Variants in MBP observed in about 807,000 individuals in gnomAD.
The protein encoded by MBP is Golli-MBP.
MBP carries 16 observed loss-of-function variants against 35.8 expected under a neutral mutation model. The observed-to-expected ratio is 0.45, with a 90% CI of 0.30 to 0.68. The LOEUF (loss-of-function observed/expected upper bound fraction) is 0.68. MBP is among the 30% of genes least tolerant of loss of function. The probability of loss-of-function intolerance (pLI) is 0.08; values close to 1 mark genes in which losing one functional copy is unlikely to be tolerated. For synonymous variants in MBP, 143 were observed against 159.6 expected (o/e 0.90, Z 0.78); for missense variants, 380 against 404.7 (o/e 0.94, Z 0.52).
chr18:76,992,152 G>A (rs868545529), intron 4 of MBP, among the ~76,000 whole-genome samples: 3 of 152,152 alleles, frequency 2.0e-5, no homozygotes, highest in Admixed American at 1.3e-4. Context: ...TCAAAGCAGC[G>A]GTTCCCAACC....
chr18:76,993,271 G>A (rs11661755), intron 4 of MBP, among the ~76,000 whole-genome samples: 49,649 of 152,106 alleles, frequency 0.33, 8,465 homozygotes, highest in Non-Finnish European at 0.39. Context: ...ATCCCATTTT[G>A]GCTGGGTGTG....
At chr18:77,083,828 A>G (rs1170515605) in intron 2 of MBP, among the ~76,000 whole-genome samples, 1 of 152,188 alleles carries the variant, frequency 6.6e-6, no homozygotes, top group Non-Finnish European at 1.5e-5. Context: ...TGAGCCGGTG[A>G]TTGCTGAGGG....
intron 3 of MBP, among the ~76,000 whole-genome samples, chr18:77,047,624 C>G (rs1425803329): frequency 2.0e-5 from 3 of 152,204 alleles, no homozygotes; most frequent in Non-Finnish European, 4.4e-5. Flanking sequence ...AATGGCTGAA[C>G]TCTGTGGTTT....
At chr18:77,058,144 G>A (rs1409115094) in intron 3 of MBP, among the ~76,000 whole-genome samples, 1 of 152,152 alleles carries the variant, frequency 6.6e-6, no homozygotes, top group Non-Finnish European at 1.5e-5. Flanking sequence ...GTTCGGCAGA[G>A]GACACCCAGG....
At chr18:77,018,039 T>A (rs1287856150) in intron 3 of MBP, among the ~76,000 whole-genome samples, 1 of 152,220 alleles carries the variant, frequency 6.6e-6, no homozygotes, top group Non-Finnish European at 1.5e-5. Context: ...CTCTCCAAAC[T>A]CTATTACTTA....
intron 7 of MBP, chr18:76,985,978 C>T (rs1228207689): frequency 2.0e-6 from 2 of 985,556 alleles, no homozygotes; most frequent in African/African-American, 3.5e-5. Flanking sequence ...TGTCCCAGGA[C>T]CAGCCTCTAC....
At chr18:77,008,865 C>A (rs536425578) in intron 4 of MBP, among the ~76,000 whole-genome samples, 3 of 152,336 alleles carry the variant, frequency 2.0e-5, no homozygotes, top group African/African-American at 7.2e-5. Context: ...TTTTGGCATC[C>A]GCAGGCGTCC....
intron 3 of MBP, among the ~76,000 whole-genome samples, chr18:77,036,221 G>A (rs1333174248): frequency 7.5e-6 from 1 of 134,188 alleles, no homozygotes; most frequent in African/African-American, 2.9e-5. Flanking sequence ...GCAAGTGCTG[G>A]TCACATTTTG....
intron 2 of MBP, chr18:77,066,612 T>A: frequency 4.1e-6 from 3 of 733,366 alleles, no homozygotes; most frequent in Non-Finnish European, 7.5e-6. Flanking sequence ...CTGGACCCAG[T>A]TGGTATAGTT....
intron 1 of MBP, among the ~76,000 whole-genome samples, chr18:77,122,954 A>G (rs1279807484): frequency 2.6e-5 from 4 of 152,246 alleles, no homozygotes; most frequent in Admixed American, 1.3e-4. Context: ...AGCATTTTGT[A>G]TACATGGCAG....
intron 1 of MBP, among the ~76,000 whole-genome samples, chr18:77,119,522 A>C (rs1976823345): frequency 6.6e-6 from 1 of 152,192 alleles, no homozygotes; most frequent in Admixed American, 6.5e-5. Flanking sequence ...CACAGTAGGC[A>C]CACAGCAAGT....
At position 77,017,019 on chromosome 18, in the gene MBP, C is replaced by T; in HGVS notation, c.389G>A (p.Ser130Asn). ...CTTCTGTGACGCCATCACATCCAGG[C>T]TCTCGGAGGTGGCTGCACTGTCTTC... ...IQEDSAATSESLDVMASQKRP... is the reference protein window; with the variant it reads ...IQEDSAATSENLDVMASQKRP... Residue 130 changes from serine (S) to asparagine (N), a missense_variant, in exon 4 of 9, where the codon AGC becomes AAC. Ser to Asn is a conservative substitution (Grantham distance 46). Coordinates refer to ENST00000355994, the MANE Select transcript of MBP (RefSeq NM_001025101.2). The T allele has an allele frequency of 6.2e-7, 1 of 1,614,166 alleles. No homozygotes were observed.
chr18:77,095,598 A>C (rs1459195803), intron 2 of MBP: 1 of 152,238 alleles, frequency 6.6e-6, no homozygotes, highest in African/African-American at 2.4e-5. Flanking sequence ...ACATAATTGC[A>C]AGAGGAAGTG....
chr18:77,091,720 T>C (rs376920127), intron 2 of MBP, among the ~76,000 whole-genome samples: 3 of 147,906 alleles, frequency 2.0e-5, no homozygotes, highest in South Asian at 2.2e-4. Context: ...ACACACCACA[T>C]ACACACATAT....
At chr18:77,093,107 C>CAGTGCCCGCGTCCCCGGTGCCTG (rs1555728034) in intron 2 of MBP, 6 of 152,080 alleles carry the variant, frequency 3.9e-5, no homozygotes, top group Admixed American at 2.6e-4. Context: ...GGCAAAAGAA[C>CAGTGCCCGCGTCCCCGGTGCCTG]AGTGCCCGCC....
At chr18:77,104,268 G>C (rs1219712773) in intron 2 of MBP, among the ~76,000 whole-genome samples, 7 of 152,204 alleles carry the variant, frequency 4.6e-5, no homozygotes, top group Non-Finnish European at 7.3e-5. Flanking sequence ...TGTAGAGCCC[G>C]GAGAGCTTTG....
At chr18:77,130,315 G>A (rs927790019) in intron 1 of MBP, among the ~76,000 whole-genome samples, 12 of 151,934 alleles carry the variant, frequency 7.9e-5, no homozygotes, top group African/African-American at 2.9e-4. Flanking sequence ...AGGCGCTGGT[G>A]CAGACTCCCC....
At chr18:77,054,882 C>T (rs1357036415) in intron 3 of MBP, among the ~76,000 whole-genome samples, 1 of 152,200 alleles carries the variant, frequency 6.6e-6, no homozygotes, top group African/African-American at 2.4e-5. Context: ...TGCTCTGCCA[C>T]TGTGATCTCC....
chr18:77,024,460 T>C (rs1392697199), intron 3 of MBP, among the ~76,000 whole-genome samples: 1 of 152,266 alleles, frequency 6.6e-6, no homozygotes, highest in African/African-American at 2.4e-5. Flanking sequence ...CCATTTAGCA[T>C]GGCTCTGAAG....
Sources: gnomAD v4.1 joint callset for allele counts (sites outside exome capture counted in the v4.1 genomes callset) on GRCh38, gnomAD v4.1.1 for gene constraint, MANE v1.5 for transcripts, NCBI Gene and HGNC (gene_info 2026-07-23, HGNC 2026-07-21) for gene names.